EYS: variants seen among roughly 807,000 people sequenced by gnomAD.
EYS encodes the protein protein eyes shut homolog.
A neutral mutation model predicts 282.1 loss-of-function variants in EYS; 250 were observed. The observed-to-expected ratio is 0.89, with a 90% CI of 0.80 to 0.98. EYS has a LOEUF of 0.98. Ranked by LOEUF, EYS falls within the 50% of genes least tolerant of loss-of-function variation. EYS has a pLI of 0.00. For synonymous variants in EYS, 1,355 were observed against 1,282.9 expected, an observed-to-expected ratio of 1.06 and a Z score of -1.20; for missense variants, 4,016 against 3,709.0, an observed-to-expected ratio of 1.08 and a Z score of -2.15.
intron 12 of EYS, among the ~76,000 whole-genome samples, chr6:65,220,353 A>C (rs963068269): frequency 6.6e-6 from 1 of 152,124 alleles, no homozygotes; most frequent in Non-Finnish European, 1.5e-5. Flanking sequence ...GATAAATGAT[A>C]ATATGGCTTG....
chr6:65,494,565 G>T, intron 4 of EYS, 98 bp downstream of exon 4: 2 of 1,166,448 alleles, frequency 1.7e-6, no homozygotes, highest in African/African-American at 3.1e-5. Context: ...ACAGGTGTGA[G>T]CCACCGCATT....
At position 64,404,417 on chromosome 6, in the gene EYS, GCA is replaced by G. The variant is rs1491029839; in HGVS notation, c.5928-15579_5928-15578del. Among the ~76,000 whole-genome samples, 13 of 150,028 alleles carry G rather than the reference GCA, an allele frequency of 8.7e-5. No homozygotes were observed. In the East Asian group the frequency reaches 1.6e-3, roughly 18 times the overall value. ...TGTGTGTGTGTGTGTGTGTGTGCACGCACGCGTGTGAGCTTTTAAGAGGAAAT... is the reference window on the plus strand; with the variant it reads ...TGTGTGTGTGTGTGTGTGTGTGCACGCGCGTGTGAGCTTTTAAGAGGAAAT... On this transcript the variant is annotated intron_variant, in intron 28 of 42. Transcript: ENST00000503581.
intron 2 of EYS, among the ~76,000 whole-genome samples, chr6:65,579,743 C>T (rs1173152404): frequency 1.3e-5 from 2 of 152,014 alleles, no homozygotes; most frequent in African/African-American, 4.8e-5. Flanking sequence ...TAATTACCTC[C>T]TAAAAGCCCT....
chr6:64,532,662 T>C (rs1562045310), intron 26 of EYS, among the ~76,000 whole-genome samples: 1 of 152,064 alleles, frequency 6.6e-6, no homozygotes, highest in Non-Finnish European at 1.5e-5. Context: ...TGAGCTGAGA[T>C]TGCGCCACTG....
chr6:64,854,167 T>C (rs1765974699), intron 19 of EYS, among the ~76,000 whole-genome samples: 1 of 152,132 alleles, frequency 6.6e-6, no homozygotes, highest in African/African-American at 2.4e-5. Context: ...GTAAACTAGT[T>C]CAACCATTGT....
At chr6:64,548,721 T>A (rs1337705714) in intron 26 of EYS, among the ~76,000 whole-genome samples, 4 of 152,028 alleles carry the variant, frequency 2.6e-5, no homozygotes, top group Non-Finnish European at 5.9e-5. Flanking sequence ...GAGATATACC[T>A]AATGTTAAAT....
intron 8 of EYS, among the ~76,000 whole-genome samples, chr6:65,381,345 C>T (rs191722703): frequency 2.9e-4 from 44 of 152,038 alleles, no homozygotes; most frequent in Admixed American, 1.2e-3. Context: ...AAACCATCAT[C>T]CTCAGCAAAG....
intron 2 of EYS, among the ~76,000 whole-genome samples, chr6:65,526,656 A>G (rs1767577312): frequency 6.6e-6 from 1 of 152,042 alleles, no homozygotes; most frequent in Admixed American, 6.5e-5. Flanking sequence ...AATACAAAAA[A>G]TTACCTGGGC....
chr6:65,561,151 C>T (rs1259318840), intron 2 of EYS, among the ~76,000 whole-genome samples: 3 of 152,068 alleles, frequency 2.0e-5, no homozygotes, highest in African/African-American at 7.2e-5. Context: ...TCAACTTTGC[C>T]CCCAGTGGCA....
intron 22 of EYS, among the ~76,000 whole-genome samples, chr6:64,643,861 C>G (rs1768259825): frequency 6.6e-6 from 1 of 152,202 alleles, no homozygotes; most frequent in African/African-American, 2.4e-5. Flanking sequence ...CCATGTGGAA[C>G]TATAAGTCCA....
At chr6:64,730,242 ACT>A (rs1157846075) in intron 22 of EYS, among the ~76,000 whole-genome samples, 1 of 152,166 alleles carries the variant, frequency 6.6e-6, no homozygotes, top group East Asian at 1.9e-4. Context: ...TGTGAATGAC[ACT>A]CTGCACAAAG....
At chr6:64,688,644 C>A (rs773887482) in intron 22 of EYS, among the ~76,000 whole-genome samples, 6 of 152,044 alleles carry the variant, frequency 3.9e-5, no homozygotes, top group Non-Finnish European at 8.8e-5. Flanking sequence ...TTACTTCCAA[C>A]CCTGTGGTCA....
At chr6:64,564,103 C>T (rs1160795833) in intron 26 of EYS, among the ~76,000 whole-genome samples, 2 of 151,660 alleles carry the variant, frequency 1.3e-5, no homozygotes, top group Non-Finnish European at 2.9e-5. Flanking sequence ...TTCTTTTGGA[C>T]ATATACCCAC....
chr6:64,693,831 G>T (rs1770483571), intron 22 of EYS, among the ~76,000 whole-genome samples: 2 of 152,080 alleles, frequency 1.3e-5, no homozygotes, highest in South Asian at 4.1e-4. Context: ...ATAAGACTTA[G>T]ATGGGGGAGA....
intron 13 of EYS, among the ~76,000 whole-genome samples, chr6:65,007,352 T>A (rs933898195): frequency 6.6e-5 from 10 of 152,206 alleles, no homozygotes; most frequent in African/African-American, 2.4e-4. Context: ...TTAAGACCAA[T>A]TTGACCCTCA....
chr6:64,436,803 C>A (rs1774767199), intron 27 of EYS, among the ~76,000 whole-genome samples: 1 of 151,764 alleles, frequency 6.6e-6, no homozygotes. Flanking sequence ...ATGTCTATAT[C>A]AGGTATGATT....
At chr6:65,416,538 C>T (rs1767244725) in intron 5 of EYS, among the ~76,000 whole-genome samples, 1 of 151,880 alleles carries the variant, frequency 6.6e-6, no homozygotes, top group Non-Finnish European at 1.5e-5. Context: ...AATGGGGCTT[C>T]TATAAAACAA....
At chr6:65,528,257 G>C (rs930521528) in intron 2 of EYS, among the ~76,000 whole-genome samples, 2 of 152,002 alleles carry the variant, frequency 1.3e-5, no homozygotes, top group Non-Finnish European at 2.9e-5. Context: ...TTTCTCCAAG[G>C]GGAACACAGA....
intron 13 of EYS, among the ~76,000 whole-genome samples, chr6:65,027,020 GT>G (rs764434250): frequency 7.7e-6 from 1 of 129,652 alleles, no homozygotes; most frequent in African/African-American, 3.2e-5. Context: ...TTTGTAATGT[GT>G]GTTTTTTTTT....
Sources: gnomAD v4.1 joint callset for allele counts (sites outside exome capture counted in the v4.1 genomes callset) on GRCh38, gnomAD v4.1.1 for gene constraint, MANE v1.5 for transcripts, NCBI Gene and HGNC (gene_info 2026-07-23, HGNC 2026-07-21) for gene names.